Variants in ABCC6 observed in about 807,000 individuals in gnomAD.
ABCC6 encodes the protein ATP binding cassette subfamily C member 6, also known as ATP-binding cassette sub-family C member 6.
ABCC6 carries 126 observed loss-of-function variants against 169.5 expected under a neutral mutation model. That is an observed-to-expected ratio of 0.74 (90% confidence interval 0.64 to 0.86). The LOEUF (loss-of-function observed/expected upper bound fraction) is 0.86. ABCC6 is among the 40% of genes least tolerant of loss of function. The pLI is 0.00. For missense variants in ABCC6, 1,733 were observed against 1,927.2 expected (o/e 0.90, Z 1.89); for synonymous variants, 752 against 814.7 (o/e 0.92, Z 1.31).
chr16:16,164,560 C>T (rs1449876825), intron 23 of ABCC6, among the ~76,000 whole-genome samples: 1 of 152,160 alleles, frequency 6.6e-6, no homozygotes, highest in Non-Finnish European at 1.5e-5. Flanking sequence ...TATATGACTA[C>T]TGAGCTGAAG....
At chr16:16,177,740 C>G (rs569182626) in intron 18 of ABCC6, 114 bp from the exon 19 acceptor site, 1 of 1,302,572 alleles carries the variant, frequency 7.7e-7, no homozygotes, top group Non-Finnish European at 1.1e-6. Flanking sequence ...GCCAGAAGTT[C>G]GAGACCAGCC....
In ABCC6 at chr16:16,172,039, C is replaced by G. The variant is rs1282506578; in HGVS notation, c.2787+1245G>C. Among the ~76,000 whole-genome samples the G allele has an allele frequency of 9.0e-4, 87 of 96,586 alleles. 1 individual carries two copies. Among genetic ancestry groups the G allele is most frequent in the African/African-American group, 1.2e-3 (30 of 24,228 alleles). 63.4% of individuals were successfully genotyped at this position (96,586 alleles called of 152,430 possible). ...GATGGATAAATGAGTAGGTGGGATGCATAAATGAGTGGGATGGATAAATGA... is the reference window on the plus strand; with the variant it reads ...GATGGATAAATGAGTAGGTGGGATGGATAAATGAGTGGGATGGATAAATGA... On this transcript the variant is annotated intron_variant, in intron 21 of 30. Transcript: ENST00000205557.
At chr16:16,193,189 A>G (rs2047923302) in intron 10 of ABCC6, among the ~76,000 whole-genome samples, 1 of 152,176 alleles carries the variant, frequency 6.6e-6, no homozygotes, top group East Asian at 1.9e-4. Context: ...TGGCTACGAG[A>G]GTGACCTCCC....
intron 10 of ABCC6, among the ~76,000 whole-genome samples, chr16:16,194,199 G>C (rs2047959379): frequency 6.6e-6 from 1 of 152,214 alleles, no homozygotes; most frequent in South Asian, 2.1e-4. Context: ...TGCAAAATGG[G>C]AATAGAGTTG....
chr16:16,162,943 C>T, intron 24 of ABCC6, 50 bp downstream of exon 24: 1 of 1,611,448 alleles, frequency 6.2e-7, no homozygotes, highest in Non-Finnish European at 8.5e-7. Flanking sequence ...GTCTCACCCT[C>T]TAAGGATATG....
At chr16:16,197,964 G>T (rs1488114506) in intron 10 of ABCC6, 57 bp downstream of exon 10, 36 of 1,535,028 alleles carry the variant, frequency 2.3e-5, no homozygotes, top group African/African-American at 8.4e-5. Context: ...AAGGAGGAGG[G>T]GGAGAAGGAG....
intron 19 of ABCC6, 86 bp downstream of exon 19, chr16:16,177,366 C>T: frequency 6.7e-7 from 1 of 1,503,150 alleles, no homozygotes. Flanking sequence ...CAGAGCACTC[C>T]ATTCATGCCA....
In ABCC6 at chr16:16,175,896, C is replaced by A; in HGVS notation, c.2666+15G>T. 1.2e-6 allele frequency: 2 copies of A among 1,614,028 alleles called. No homozygotes were observed. The highest frequency in any genetic ancestry group is 1.7e-6 in the Non-Finnish European group (2 of 1,180,002). ...AGCCTGTGCCCTTCTGAGTGTGGCA[C>A]CATGGTGGACTCACCTCTCGCGTCT... On this transcript the variant is annotated intron_variant, in intron 20 of 30. Coordinates refer to ENST00000205557, the MANE Select transcript of ABCC6 (RefSeq NM_001171.6).
chr16:16,198,850 T>C (rs8053556), intron 9 of ABCC6, among the ~76,000 whole-genome samples: 151,851 of 151,858 alleles, frequency 1, 75,922 homozygotes, highest in Middle Eastern at 1. Flanking sequence ...AAAAATTAGC[T>C]GGGCATGGTG....
At position 16,203,441 on chromosome 16, in the gene ABCC6, C is replaced by T. The variant is rs565924265; in HGVS notation, c.967G>A (p.Val323Ile). Residue 323 changes from valine to isoleucine, a missense_variant, in exon 8 of 31, where the codon GTC becomes ATC. Around this residue, in one of 5 missense-constraint regions of ABCC6, gnomAD observed 1,601 missense variants for 1,635.5 expected, o/e 0.98. Coordinates refer to ENST00000205557, the MANE Select transcript of ABCC6 (RefSeq NM_001171.6). ...LGTLSLIISDVFRFTVPKLLS... is the reference protein window; with the variant it reads ...LGTLSLIISDIFRFTVPKLLS... Reference sequence around the variant, plus strand: ...AGCTTGGGGACAGTGAACCTGAAGACATCACTGATGATGAGGCTGAGGGTC... The same window carrying T: ...AGCTTGGGGACAGTGAACCTGAAGATATCACTGATGATGAGGCTGAGGGTC... 3 of 1,613,918 alleles carry T rather than the reference C, an allele frequency of 1.9e-6. No individual in the cohort carries two copies. Among genetic ancestry groups the T allele is most frequent in the East Asian group, 2.2e-5 (1 of 44,880 alleles).
rs754730506 is a variant in ABCC6, at chr16:16,177,506, C to T, written c.2536G>A (p.Ala846Thr). ...GCTTGATCCAGAAGACACATGAGGG[C>T]CCCCTTCCTCTGCAGAAGCTCCTGG... ...SYQELLQRKG[A>T]LMCLLDQARQ... The change falls in exon 19 of 31, where the codon GCC (alanine) becomes ACC (threonine). Residue 846 changes from alanine to threonine, a missense_variant. By Grantham distance (58) the Ala-to-Thr change is moderately conservative (BLOSUM62 0). Transcript: ENST00000205557. 6.2e-7 allele frequency: 1 copy of T among 1,613,536 alleles called. No individual in the cohort carries two copies.
At chr16:16,204,806 G>T (rs2376791) in intron 7 of ABCC6, among the ~76,000 whole-genome samples, 5 of 151,328 alleles carry the variant, frequency 3.3e-5, no homozygotes, top group East Asian at 1.9e-4. Flanking sequence ...AACCTATAAG[G>T]TTATCAGTAA....
Position 16,169,738 on chromosome 16 carries a change from A to C in ABCC6, c.2903T>G (p.Leu968Arg). 1 of 1,608,580 alleles carries C rather than the reference A, an allele frequency of 6.2e-7. No homozygotes were observed. Among genetic ancestry groups the C allele is most frequent in the Non-Finnish European group, 8.5e-7 (1 of 1,178,098 alleles). ...TGCAGGGTCGTCCGCCCACAGGCTC[A>C]GCCAGTAGCCCCGGCAGAAGGAGGC... ...QVASFCRGYW[L>R]SLWADDPAVG... Residue 968 changes from leucine (L) to arginine (R), a missense_variant, in exon 22 of 31, where the codon CTG (leucine) becomes CGG (arginine). By Grantham distance (102) the Leu-to-Arg change is moderately radical. Around this residue, in one of 5 missense-constraint regions of ABCC6, gnomAD observed 1,601 missense variants for 1,635.5 expected, o/e 0.98. Coordinates refer to ENST00000205557, the MANE Select transcript of ABCC6 (RefSeq NM_001171.6).
At chr16:16,203,262 C>G in intron 8 of ABCC6, 148 bp downstream of exon 8, 7 of 1,398,004 alleles carry the variant, frequency 5.0e-6, no homozygotes, top group East Asian at 2.4e-5. Flanking sequence ...AATCCATTTC[C>G]CTTCCTCAGT....
Position 16,184,702 on chromosome 16 carries a change from G to A in ABCC6, c.1943+257C>T, listed in dbSNP as rs1194128306. 2.0e-5 allele frequency among the ~76,000 whole-genome samples: 3 copies of A among 152,106 alleles called. No homozygotes were observed. In the East Asian group the frequency reaches 5.8e-4, roughly 29 times the overall value. ...TTGGCCAGCCTGGGAGCACAGGGGT[G>A]TCTCCCCCTAATGGGGGAGGCTCAG... On this transcript the variant is annotated intron_variant, in intron 15 of 30. Coordinates refer to ENST00000205557, the MANE Select transcript of ABCC6 (RefSeq NM_001171.6).
intron 11 of ABCC6, among the ~76,000 whole-genome samples, chr16:16,190,580 C>T (rs977958223): frequency 2.6e-5 from 4 of 151,902 alleles, no homozygotes; most frequent in African/African-American, 9.7e-5. Flanking sequence ...TAATGTGCCC[C>T]ATGGAGGAAG....
At chr16:16,162,936 T>C in intron 24 of ABCC6, 57 bp downstream of exon 24, 1 of 1,608,384 alleles carries the variant, frequency 6.2e-7, no homozygotes, top group Non-Finnish European at 8.5e-7. Context: ...ACCTCAGGTC[T>C]CACCCTCTAA....
At chr16:16,158,477 C>A (rs1304683010) in intron 26 of ABCC6, among the ~76,000 whole-genome samples, 1 of 152,102 alleles carries the variant, frequency 6.6e-6, no homozygotes, top group Non-Finnish European at 1.5e-5. Flanking sequence ...ATCCCTCCAT[C>A]TCTCATTCTT....
At chr16:16,219,339 C>G (rs2239326) in intron 4 of ABCC6, among the ~76,000 whole-genome samples, 57 of 152,230 alleles carry the variant, frequency 3.7e-4, no homozygotes, top group African/African-American at 1.0e-3. Context: ...TGATGTGGGC[C>G]TGTAAGACAG....
Sources: gnomAD v4.1 joint callset for allele counts (sites outside exome capture counted in the v4.1 genomes callset) on GRCh38, gnomAD v4.1.1 for gene constraint, gnomAD v4.1.1 regional missense constraint, MANE v1.5 for transcripts, NCBI Gene and HGNC (gene_info 2026-07-23, HGNC 2026-07-21) for gene names.